Variants in NELL2 observed in about 807,000 individuals in gnomAD.
NELL2 encodes the protein neural EGFL like 2, also known as protein kinase C-binding protein NELL2.
Under a neutral mutation model 109.6 loss-of-function variants are expected in NELL2, and 41 were observed. The ratio of observed to expected loss-of-function variants is 0.37; its 90% CI spans 0.29 to 0.49. The LOEUF is 0.49. Among genes scored for constraint, NELL2 ranks in the 20% least tolerant of loss-of-function variants. NELL2 has a pLI of 0.98. For synonymous variants in NELL2, 355 were observed against 344.7 expected (o/e 1.03, Z -0.33); for missense variants, 900 against 1,008.3 (o/e 0.89, Z 1.45).
chr12:44,711,413 G>A lies in NELL2; in HGVS notation c.1087-19C>T. ...TCTGGTCCTGTTAGACAACAGAAAA[G>A]AAGTGCTTCAAATTTTATCATTAGG... On this transcript the variant is annotated intron_variant, in intron 10 of 19. Transcript: ENST00000429094. 5 of 1,587,030 alleles carry A rather than the reference G, an allele frequency of 3.2e-6. No homozygotes were observed. The highest frequency in any genetic ancestry group is 4.3e-6 in the Non-Finnish European group (5 of 1,156,348).
chr12:44,543,859 T>G (rs1016635932), intron 15 of NELL2, among the ~76,000 whole-genome samples: 6 of 152,160 alleles, frequency 3.9e-5, no homozygotes, highest in African/African-American at 1.4e-4. Context: ...CCCTCATTTG[T>G]GCATCTTAAT....
At chr12:44,671,841 A>C (rs1948149680) in intron 12 of NELL2, among the ~76,000 whole-genome samples, 2 of 152,328 alleles carry the variant, frequency 1.3e-5, no homozygotes, top group Non-Finnish European at 1.5e-5. Context: ...AGACCCTCTG[A>C]AAGCCATAGT....
intron 13 of NELL2, among the ~76,000 whole-genome samples, chr12:44,648,904 G>GTGTA (rs1947200195): frequency 7.3e-6 from 1 of 137,062 alleles, no homozygotes; most frequent in Non-Finnish European, 1.6e-5. Context: ...CCCAGCTTGT[G>GTGTA]TGTGTGTGTG....
At chr12:44,873,794 T>G (rs765660711) in intron 2 of NELL2, among the ~76,000 whole-genome samples, 4 of 151,864 alleles carry the variant, frequency 2.6e-5, no homozygotes, top group Non-Finnish European at 5.9e-5. Flanking sequence ...TATTCAACTG[T>G]GTGAAATTCT....
intron 9 of NELL2, among the ~76,000 whole-genome samples, chr12:44,716,768 C>G (rs1174159778): frequency 6.6e-6 from 1 of 151,734 alleles, no homozygotes; most frequent in East Asian, 1.9e-4. Context: ...CAAGTCCAAG[C>G]GTATGTGGAA....
intron 3 of NELL2, among the ~76,000 whole-genome samples, chr12:44,789,226 T>C (rs7137623): frequency 0.24 from 35,837 of 151,838 alleles, 4,473 homozygotes; most frequent in South Asian, 0.3. Context: ...CTAAGAATCC[T>C]CACTGCCACC....
At chr12:44,518,956 A>G (rs1430605749) in intron 19 of NELL2, among the ~76,000 whole-genome samples, 2 of 152,254 alleles carry the variant, frequency 1.3e-5, no homozygotes, top group Non-Finnish European at 2.9e-5. Flanking sequence ...GACAAATTGC[A>G]TTGATTGAAA....
chr12:44,708,385 G>A (rs992663807), intron 11 of NELL2, among the ~76,000 whole-genome samples: 4 of 152,154 alleles, frequency 2.6e-5, no homozygotes, highest in African/African-American at 9.6e-5. Context: ...TAGTGAAAAA[G>A]TCAACACTTC....
chr12:44,539,360 A>ACAAAC (rs1222919291), intron 15 of NELL2, among the ~76,000 whole-genome samples: 168 of 152,270 alleles, frequency 1.1e-3, no homozygotes, highest in African/African-American at 3.9e-3. Context: ...ACAAAACAAA[A>ACAAAC]CAAACACAAG....
chr12:44,655,482 G>A (rs1221518870), intron 13 of NELL2, among the ~76,000 whole-genome samples: 9 of 152,226 alleles, frequency 5.9e-5, no homozygotes, highest in Non-Finnish European at 1.2e-4. Flanking sequence ...CTTTGAGCCT[G>A]TTCCATTTTG....
At chr12:44,554,639 A>C (rs1447789590) in intron 15 of NELL2, among the ~76,000 whole-genome samples, 1 of 152,186 alleles carries the variant, frequency 6.6e-6, no homozygotes, top group African/African-American at 2.4e-5. Flanking sequence ...AAAGCTATTA[A>C]AACATATGGA....
chr12:44,720,618 C>CA (rs1938719962), intron 9 of NELL2, among the ~76,000 whole-genome samples: 1 of 152,116 alleles, frequency 6.6e-6, no homozygotes, highest in Non-Finnish European at 1.5e-5. Flanking sequence ...AATGTAATGA[C>CA]AAAACTTTCT....
chr12:44,637,557 C>T (rs548345243), intron 13 of NELL2, among the ~76,000 whole-genome samples: 3 of 142,124 alleles, frequency 2.1e-5, no homozygotes, highest in East Asian at 4.2e-4. Context: ...TCCCAGATAA[C>T]CTTATGATCT....
intron 14 of NELL2, among the ~76,000 whole-genome samples, chr12:44,609,024 G>A (rs183598241): frequency 1.2e-3 from 177 of 151,838 alleles, no homozygotes; most frequent in Admixed American, 2.6e-3. Context: ...GGTCAATTAT[G>A]TTGCATTTTG....
intron 12 of NELL2, among the ~76,000 whole-genome samples, chr12:44,676,979 A>C (rs1948341594): frequency 6.6e-6 from 1 of 152,120 alleles, no homozygotes; most frequent in Non-Finnish European, 1.5e-5. Flanking sequence ...GACAACTAGT[A>C]ATTTTAAAAA....
intron 2 of NELL2, among the ~76,000 whole-genome samples, chr12:44,838,506 G>T (rs1944123202): frequency 6.6e-6 from 1 of 152,056 alleles, no homozygotes; most frequent in African/African-American, 2.4e-5. Flanking sequence ...CTGGGCCCTG[G>T]TTACTTTGGT....
chr12:44,869,039 TAAAAC>T (rs892795071), intron 2 of NELL2, among the ~76,000 whole-genome samples: 14 of 152,074 alleles, frequency 9.2e-5, no homozygotes, highest in African/African-American at 3.1e-4. Flanking sequence ...TAACAAAACA[TAAAAC>T]AAAAACAAAA....
At chr12:44,720,314 T>A (rs1272045020) in intron 9 of NELL2, among the ~76,000 whole-genome samples, 1 of 152,170 alleles carries the variant, frequency 6.6e-6, no homozygotes, top group Non-Finnish European at 1.5e-5. Context: ...TTTGGTAAAT[T>A]CTCTTTCAGC....
chr12:44,804,213 A>G (rs1322210368), intron 3 of NELL2, among the ~76,000 whole-genome samples: 1 of 151,930 alleles, frequency 6.6e-6, no homozygotes, highest in African/African-American at 2.4e-5. Flanking sequence ...TAAATAACCA[A>G]AGGTTAAAGT....
Sources: allele counts gnomAD v4.1 joint callset (sites outside exome capture counted in the v4.1 genomes callset), GRCh38; gene constraint gnomAD v4.1.1; transcripts MANE v1.5; gene names NCBI Gene and HGNC (gene_info 2026-07-23, HGNC 2026-07-21).